Variants in CNTN5 observed in about 807,000 individuals in gnomAD.
CNTN5 encodes the protein contactin-5.
Under a neutral mutation model 129.1 loss-of-function variants are expected in CNTN5, and 77 were observed. The ratio of observed to expected loss-of-function variants is 0.60; its 90% CI spans 0.50 to 0.72. The LOEUF is 0.72. Among genes scored for constraint, CNTN5 ranks in the 30% least tolerant of loss-of-function variants. The probability of loss-of-function intolerance (pLI) is 0.00; values close to 1 mark genes in which losing one functional copy is unlikely to be tolerated. For synonymous variants in CNTN5, 509 were observed against 465.6 expected, an observed-to-expected ratio of 1.09 and a Z score of -1.20; for missense variants, 1,478 against 1,328.8, an observed-to-expected ratio of 1.11 and a Z score of -1.75.
intron 6 of CNTN5, among the ~76,000 whole-genome samples, chr11:99,909,934 A>G (rs1425071543): frequency 6.6e-6 from 1 of 151,924 alleles, no homozygotes; most frequent in Non-Finnish European, 1.5e-5. Context: ...CACGTTGTGC[A>G]CATGTACCCT....
chr11:100,049,690 C>G (rs1942857609), intron 9 of CNTN5, among the ~76,000 whole-genome samples: 1 of 152,128 alleles, frequency 6.6e-6, no homozygotes, highest in South Asian at 2.1e-4. Context: ...AACAGGCAAC[C>G]TACAAAATGG....
At chr11:99,392,956 A>G (rs1223940473) in intron 2 of CNTN5, among the ~76,000 whole-genome samples, 1 of 151,876 alleles carries the variant, frequency 6.6e-6, no homozygotes, top group Non-Finnish European at 1.5e-5. Context: ...GGCTTTGAAT[A>G]GCATGTGGAA....
intron 1 of CNTN5, among the ~76,000 whole-genome samples, chr11:99,160,432 A>G (rs1268083741): frequency 6.6e-6 from 1 of 152,190 alleles, no homozygotes; most frequent in South Asian, 2.1e-4. Flanking sequence ...CATCATCCTA[A>G]TAAGTCTGTG....
At chr11:100,127,496 A>G (rs893284490) in intron 13 of CNTN5, among the ~76,000 whole-genome samples, 2 of 151,972 alleles carry the variant, frequency 1.3e-5, no homozygotes, top group Non-Finnish European at 2.9e-5. Flanking sequence ...AATTTGTATC[A>G]GTTATGATGG....
chr11:99,325,754 A>G (rs559067736), intron 2 of CNTN5, among the ~76,000 whole-genome samples: 2 of 152,302 alleles, frequency 1.3e-5, no homozygotes, highest in South Asian at 2.1e-4. Flanking sequence ...TTAGTTTGAT[A>G]TGAGGATGGC....
intron 13 of CNTN5, among the ~76,000 whole-genome samples, chr11:100,164,774 G>C (rs1008976816): frequency 6.6e-6 from 1 of 151,780 alleles, no homozygotes; most frequent in Admixed American, 6.6e-5. Context: ...ATATTGGTGA[G>C]AGTATGGAAA....
chr11:99,809,988 G>T (rs976132727), intron 3 of CNTN5, among the ~76,000 whole-genome samples: 1 of 152,022 alleles, frequency 6.6e-6, no homozygotes, highest in African/African-American at 2.4e-5. Flanking sequence ...AATTTCCTCA[G>T]TGATTCATAT....
At chr11:100,165,978 T>C (rs1019065182) in intron 13 of CNTN5, among the ~76,000 whole-genome samples, 2 of 151,756 alleles carry the variant, frequency 1.3e-5, no homozygotes, top group Admixed American at 6.6e-5. Flanking sequence ...TTAAAGTGTG[T>C]ATCACTATGA....
intron 15 of CNTN5, among the ~76,000 whole-genome samples, chr11:100,218,079 A>T (rs1410040388): frequency 6.6e-6 from 1 of 152,240 alleles, no homozygotes; most frequent in Non-Finnish European, 1.5e-5. Context: ...TAAAGTGAAC[A>T]GGTTGAATCT....
chr11:99,988,684 A>G (rs1938851410), intron 8 of CNTN5, among the ~76,000 whole-genome samples: 1 of 152,202 alleles, frequency 6.6e-6, no homozygotes, highest in East Asian at 1.9e-4. Context: ...CCGAGTCCAA[A>G]TCGTTCTAAG....
chr11:99,681,456 C>A (rs1466532143), intron 3 of CNTN5, among the ~76,000 whole-genome samples: 11 of 152,066 alleles, frequency 7.2e-5, no homozygotes, highest in Non-Finnish European at 1.6e-4. Flanking sequence ...CAGTAGCTGT[C>A]CACATCGAGG....
At chr11:99,225,112 CA>C (rs1354421695) in intron 1 of CNTN5, among the ~76,000 whole-genome samples, 3 of 152,012 alleles carry the variant, frequency 2.0e-5, no homozygotes, top group African/African-American at 7.2e-5. Flanking sequence ...GACTAGATGA[CA>C]TTTTAAAGAG....
At chr11:99,774,642 T>G (rs1312813235) in intron 3 of CNTN5, among the ~76,000 whole-genome samples, 3 of 152,012 alleles carry the variant, frequency 2.0e-5, no homozygotes, top group Admixed American at 2.0e-4. Context: ...TGAAGGCAGT[T>G]CTCGGGCTCA....
chr11:100,022,409 C>T (rs940168242), intron 9 of CNTN5, among the ~76,000 whole-genome samples: 1 of 152,104 alleles, frequency 6.6e-6, no homozygotes, highest in African/African-American at 2.4e-5. Flanking sequence ...GTTCTTTGTA[C>T]ATTCTATTCT....
chr11:99,636,852 A>C (rs1324336101), intron 3 of CNTN5, among the ~76,000 whole-genome samples: 2 of 150,166 alleles, frequency 1.3e-5, no homozygotes, highest in Non-Finnish European at 3.0e-5. Flanking sequence ...GTCTCTACTA[A>C]AAATACAAAA....
chr11:99,889,443 A>C (rs2135898403), intron 6 of CNTN5, among the ~76,000 whole-genome samples: 1 of 151,864 alleles, frequency 6.6e-6, no homozygotes, highest in African/African-American at 2.4e-5. Context: ...CACATAAAAT[A>C]GATTTTATAG....
chr11:99,877,886 GT>G lies in CNTN5; in HGVS notation c.577+32629del, dbSNP rs550320264. 4.0e-3 allele frequency among the ~76,000 whole-genome samples: 605 copies of G among 152,216 alleles called. 1 individual carries two copies. The highest frequency in any genetic ancestry group is 6.5e-3 in the Non-Finnish European group (445 of 68,012). On this transcript the variant is annotated intron_variant, in intron 6 of 24. Coordinates refer to ENST00000524871, the MANE Select transcript of CNTN5 (RefSeq NM_014361.4). ...TTTATTTCACCATTCACTATCAAAAGTTTTTAAAATATTCACCACATTCTCA... is the reference window on the plus strand; with the variant it reads ...TTTATTTCACCATTCACTATCAAAAGTTTTAAAATATTCACCACATTCTCA...
intron 6 of CNTN5, among the ~76,000 whole-genome samples, chr11:99,882,999 TTAACA>T (rs1382742491): frequency 1.4e-4 from 21 of 152,316 alleles, no homozygotes; most frequent in African/African-American, 4.6e-4. Context: ...CTTATTTCAC[TTAACA>T]TAACAACCTC....
chr11:99,387,099 AT>A (rs1312437779), intron 2 of CNTN5, among the ~76,000 whole-genome samples: 2 of 152,148 alleles, frequency 1.3e-5, no homozygotes, highest in African/African-American at 4.8e-5. Context: ...CTAACCGCAT[AT>A]TCTCTCCTCA....
Sources: gnomAD v4.1 joint callset for allele counts (sites outside exome capture counted in the v4.1 genomes callset) on GRCh38, gnomAD v4.1.1 for gene constraint, MANE v1.5 for transcripts, NCBI Gene and HGNC (gene_info 2026-07-23, HGNC 2026-07-21) for gene names.